SIPA1L2: variants seen among roughly 807,000 people sequenced by gnomAD.
SIPA1L2 encodes signal induced proliferation associated 1 like 2, also known as signal-induced proliferation-associated 1-like protein 2.
In SIPA1L2, 56 loss-of-function variants were observed where a neutral mutation model predicts 163.9. That is an observed-to-expected ratio of 0.34 (90% CI 0.28 to 0.43). The LOEUF (loss-of-function observed/expected upper bound fraction) is 0.43. Ranked by LOEUF, SIPA1L2 falls within the 20% of genes least tolerant of loss-of-function variation. SIPA1L2 has a pLI of 1.00. For synonymous variants in SIPA1L2, 877 were observed against 865.7 expected (o/e 1.01, Z -0.23); for missense variants, 1,974 against 2,193.5 (o/e 0.90, Z 2.00).
At chr1:232,454,223 T>C (rs555606607) in intron 10 of SIPA1L2, among the ~76,000 whole-genome samples, 5 of 152,232 alleles carry the variant, frequency 3.3e-5, no homozygotes, top group African/African-American at 1.2e-4. Context: ...ATACCCAGAA[T>C]AGGTAGAAAA....
intron 9 of SIPA1L2, 67 bp from the exon 10 acceptor site, chr1:232,461,228 T>G: frequency 6.4e-7 from 1 of 1,569,200 alleles, no homozygotes; most frequent in Non-Finnish European, 8.7e-7. Context: ...CTGCCAAAGG[T>G]GCACGTATGG....
intron 5 of SIPA1L2, among the ~76,000 whole-genome samples, chr1:232,486,181 G>A (rs557975302): frequency 1.3e-4 from 20 of 152,258 alleles, no homozygotes; most frequent in Admixed American, 7.8e-4. Flanking sequence ...TTTGGGAGCC[G>A]AGGGTGTGCA....
At chr1:232,444,757 C>G (rs1663109477) in intron 11 of SIPA1L2, among the ~76,000 whole-genome samples, 1 of 152,090 alleles carries the variant, frequency 6.6e-6, no homozygotes, top group Admixed American at 6.6e-5. Context: ...AGTACCAGGC[C>G]TATGGTTACA....
At chr1:232,545,980 T>C (rs1050468914) in intron 2 of SIPA1L2, among the ~76,000 whole-genome samples, 14 of 152,242 alleles carry the variant, frequency 9.2e-5, no homozygotes, top group African/African-American at 3.4e-4. Context: ...TTCCCTTCTC[T>C]TTCTGGTGTC....
rs1345817070 is a variant in SIPA1L2, at chr1:232,431,187, C to T, written c.4256+1060G>A. ...TTAAAAAAGGCTTGGAATGAATTCCCGTGAAGCACTCAGAAGACTCTTATT... is the reference window on the plus strand; with the variant it reads ...TTAAAAAAGGCTTGGAATGAATTCCTGTGAAGCACTCAGAAGACTCTTATT... On this transcript the variant is annotated intron_variant, in intron 16 of 22. Coordinates refer to ENST00000674635, the MANE Select transcript of SIPA1L2 (RefSeq NM_020808.5). 2.6e-5 allele frequency among the ~76,000 whole-genome samples: 4 copies of T among 152,130 alleles called. No homozygotes were observed. The South Asian group carries it at 8.3e-4, about 32-fold the overall frequency.
intron 18 of SIPA1L2, among the ~76,000 whole-genome samples, chr1:232,423,842 G>A (rs1036795346): frequency 6.6e-6 from 1 of 152,192 alleles, no homozygotes; most frequent in Non-Finnish European, 1.5e-5. Flanking sequence ...AGACATGGAG[G>A]AAGTTGAATG....
intron 2 of SIPA1L2, among the ~76,000 whole-genome samples, chr1:232,517,637 A>G (rs1667272406): frequency 6.6e-6 from 1 of 152,230 alleles, no homozygotes; most frequent in South Asian, 2.1e-4. Context: ...GAGCTTTCAC[A>G]TTCCTCTAAC....
intron 18 of SIPA1L2, among the ~76,000 whole-genome samples, chr1:232,423,738 C>G (rs750656310): frequency 7.9e-5 from 12 of 152,134 alleles, no homozygotes; most frequent in Non-Finnish European, 1.6e-4. Context: ...AAAAAGGATA[C>G]AGTTCTCCAG....
chr1:232,521,403 T>G (rs897471321), intron 2 of SIPA1L2, among the ~76,000 whole-genome samples: 12 of 152,174 alleles, frequency 7.9e-5, no homozygotes, highest in Admixed American at 5.9e-4. Flanking sequence ...AAGGATTTAG[T>G]CTCCACAAGA....
intron 2 of SIPA1L2, among the ~76,000 whole-genome samples, chr1:232,544,613 G>T (rs545886568): frequency 1.6e-4 from 24 of 151,962 alleles, no homozygotes; most frequent in African/African-American, 5.5e-4. Context: ...CTCAAAAAGA[G>T]CATCTGCTCT....
intron 16 of SIPA1L2, among the ~76,000 whole-genome samples, chr1:232,430,374 T>A (rs1351599552): frequency 6.6e-6 from 1 of 152,202 alleles, no homozygotes; most frequent in East Asian, 1.9e-4. Flanking sequence ...TGATATTATT[T>A]AAAAATGTAA....
chr1:232,585,332 C>T (rs530560302), intron 1 of SIPA1L2, among the ~76,000 whole-genome samples: 14 of 152,124 alleles, frequency 9.2e-5, no homozygotes, highest in Admixed American at 2.6e-4. Context: ...AGCTAAGTGC[C>T]TTTCTCCCCA....
At chr1:232,439,917 G>T (rs1429631017) in intron 14 of SIPA1L2, among the ~76,000 whole-genome samples, 1 of 152,180 alleles carries the variant, frequency 6.6e-6, no homozygotes, top group East Asian at 1.9e-4. Flanking sequence ...AGAAGACTTA[G>T]GTTCCAGTCA....
intron 3 of SIPA1L2, among the ~76,000 whole-genome samples, chr1:232,499,339 A>C (rs1002407045): frequency 1.3e-4 from 20 of 152,248 alleles, no homozygotes; most frequent in African/African-American, 4.6e-4. Flanking sequence ...AAAGAAAGTA[A>C]AAGTGCCACT....
chr1:232,530,480 C>T (rs934997228), intron 2 of SIPA1L2, among the ~76,000 whole-genome samples: 1 of 152,092 alleles, frequency 6.6e-6, no homozygotes, highest in African/African-American at 2.4e-5. Flanking sequence ...CCTTTAAGCA[C>T]ATGCCTGAGG....
intron 10 of SIPA1L2, among the ~76,000 whole-genome samples, chr1:232,459,963 T>C (rs1041416463): frequency 6.6e-6 from 1 of 152,178 alleles, no homozygotes; most frequent in Non-Finnish European, 1.5e-5. Context: ...AAGTGAGACT[T>C]AGAGAGAGTG....
intron 1 of SIPA1L2, among the ~76,000 whole-genome samples, chr1:232,624,242 A>G (rs1662962605): frequency 6.6e-6 from 1 of 152,218 alleles, no homozygotes; most frequent in Admixed American, 6.5e-5. Context: ...TGTTTCTTGC[A>G]TTAGGCCATT....
chr1:232,550,276 T>C (rs1658298226), intron 2 of SIPA1L2, among the ~76,000 whole-genome samples: 2 of 152,196 alleles, frequency 1.3e-5, no homozygotes, highest in South Asian at 4.1e-4. Context: ...TATGGCTGCA[T>C]TATATCAAGT....
chr1:232,625,824 G>A (rs1053817919), intron 1 of SIPA1L2, among the ~76,000 whole-genome samples: 10 of 152,244 alleles, frequency 6.6e-5, no homozygotes, highest in Non-Finnish European at 1.3e-4. Context: ...ATCACCACCC[G>A]TTACTTGCAA....
Sources: allele counts gnomAD v4.1 joint callset (sites outside exome capture counted in the v4.1 genomes callset), GRCh38; gene constraint gnomAD v4.1.1; transcripts MANE v1.5; gene names NCBI Gene and HGNC (gene_info 2026-07-23, HGNC 2026-07-21).